The following RASSF3 variants were observed in gnomAD, a reference collection of about 807,000 sequenced individuals.
RASSF3 encodes the protein ras association domain-containing protein 3.
A neutral mutation model predicts 19.9 loss-of-function variants in RASSF3; 19 were observed. The observed-to-expected ratio is 0.96, with a 90% CI of 0.67 to 1.40. RASSF3 has a LOEUF of 1.40. RASSF3 is among the 40% of genes most tolerant of loss of function. The pLI is 0.00. For synonymous variants in RASSF3, 110 were observed against 104.2 expected, an observed-to-expected ratio of 1.06 and a Z score of -0.34; for missense variants, 306 against 289.8, an observed-to-expected ratio of 1.06 and a Z score of -0.41.
chr12:64,553,761 G>A (rs1869204854), intron 2 of RASSF3, among the ~76,000 whole-genome samples: 1 of 152,098 alleles, frequency 6.6e-6, no homozygotes, highest in Non-Finnish European at 1.5e-5. Flanking sequence ...TGAATCACTT[G>A]AGCCCAGGAG....
upstream of RASSF3, among the ~76,000 whole-genome samples, chr12:64,529,657 T>C (rs11175429): frequency 0.1 from 15,187 of 152,260 alleles, 838 homozygotes; most frequent in Middle Eastern, 0.22. Context: ...CAGCCATACC[T>C]GAATGTAGTC....
At chr12:64,589,314 G>A (rs1298903198) in intron 2 of RASSF3, among the ~76,000 whole-genome samples, 1 of 152,084 alleles carries the variant, frequency 6.6e-6, no homozygotes, top group African/African-American at 2.4e-5. Flanking sequence ...GCCGGGTGTG[G>A]TGGCACATGC....
chr12:64,599,265 C>T (rs575349103), intron 2 of RASSF3: 3 of 152,174 alleles, frequency 2.0e-5, no homozygotes, highest in South Asian at 4.1e-4. Flanking sequence ...TGGTCAATGC[C>T]TCATGGCAAA....
chr12:64,569,135 A>G (rs1240886935), intron 2 of RASSF3, among the ~76,000 whole-genome samples: 2 of 152,242 alleles, frequency 1.3e-5, no homozygotes, highest in Admixed American at 6.5e-5. Flanking sequence ...GGCTGGGCCA[A>G]GTGTAAACCC....
chr12:64,595,742 T>G (rs1365994568), intron 2 of RASSF3, among the ~76,000 whole-genome samples: 1 of 152,130 alleles, frequency 6.6e-6, no homozygotes, highest in Non-Finnish European at 1.5e-5. Flanking sequence ...CTATTAGGGC[T>G]CATAAAACAA....
upstream of RASSF3, among the ~76,000 whole-genome samples, chr12:64,607,603 G>T (rs1468352900): frequency 6.6e-6 from 1 of 152,102 alleles, no homozygotes; most frequent in Admixed American, 6.5e-5. Flanking sequence ...TTGAACTCCT[G>T]ACCTCAAGTG....
Position 64,695,011 on chromosome 12 carries a change from C to A in RASSF3, c.*99C>A. The A allele has an allele frequency of 7.7e-7, 1 of 1,305,782 alleles. No individual in the cohort carries two copies. The highest frequency in any genetic ancestry group is 1.1e-6 in the Non-Finnish European group (1 of 950,986). 80.9% of individuals were successfully genotyped at this position (1,305,782 alleles called of 1,614,324 possible). A position where few individuals can be genotyped will look rare whatever the true frequency, so the allele number is the denominator to read the frequency against. ...AGGGCTGCTGTCTTGCCCCACTATG[C>A]TAGGGTCTTCGCCTTTCTATCTGTA... is the stretch of plus-strand genomic sequence containing the variant. On this transcript the variant is annotated 3_prime_UTR_variant, in exon 5 of 5. Coordinates refer to ENST00000542104, the MANE Select transcript of RASSF3 (RefSeq NM_178169.4).
At chr12:64,601,554 G>A (rs1248370103) in intron 2 of RASSF3, among the ~76,000 whole-genome samples, 1 of 152,052 alleles carries the variant, frequency 6.6e-6, no homozygotes, top group Non-Finnish European at 1.5e-5. Flanking sequence ...AATATGACTG[G>A]GCTTGGCCTG....
intron 1 of RASSF3, among the ~76,000 whole-genome samples, chr12:64,657,378 A>G (rs893623058): frequency 1.9e-4 from 29 of 152,232 alleles, no homozygotes; most frequent in African/African-American, 6.5e-4. Context: ...AATATTGTGA[A>G]TGAACTCAGT....
At chr12:64,675,048 C>G (rs1391993581) in intron 1 of RASSF3, among the ~76,000 whole-genome samples, 15 of 112,842 alleles carry the variant, frequency 1.3e-4, no homozygotes, top group South Asian at 7.0e-4. Context: ...CCACCTAGCC[C>G]CCCCCCCCCC....
chr12:64,610,607 C>A lies in RASSF3; in HGVS notation c.-26C>A. The A allele has an allele frequency of 6.9e-7, 1 of 1,449,692 alleles. No individual in the cohort carries two copies. Among genetic ancestry groups the A allele is most frequent in the Middle Eastern group, 1.9e-4 (1 of 5,190 alleles). The allele number at this position is 1,449,692 out of a possible 1,614,324, so 89.8% of individuals were successfully genotyped here. A position where few individuals can be genotyped will look rare whatever the true frequency, so the allele number is the denominator to read the frequency against. On this transcript the variant is annotated 5_prime_UTR_variant, in exon 1 of 5. Coordinates refer to ENST00000542104, the MANE Select transcript of RASSF3 (RefSeq NM_178169.4). Reference sequence around the variant, plus strand: ...CTGGCCGCCTGCGCCCCGGGGAGGCCGCCCGCGCGCGACGGGACCGGCAGC... The same window carrying A: ...CTGGCCGCCTGCGCCCCGGGGAGGCAGCCCGCGCGCGACGGGACCGGCAGC...
At chr12:64,641,748 AT>A (rs60194376) in intron 1 of RASSF3, among the ~76,000 whole-genome samples, 11,431 of 139,144 alleles carry the variant, frequency 0.082, 449 homozygotes, top group Non-Finnish European at 0.096. Context: ...GTACCTAGTG[AT>A]TTTTTTTTTT....
At chr12:64,516,446 C>T (rs894982269) in intron 1 of RASSF3, among the ~76,000 whole-genome samples, 65 of 150,802 alleles carry the variant, frequency 4.3e-4, no homozygotes, top group African/African-American at 1.5e-3. Context: ...GGTGAAACCC[C>T]GTCTCTACTA....
chr12:64,635,993 C>T (rs1178777848), intron 1 of RASSF3, among the ~76,000 whole-genome samples: 1 of 152,158 alleles, frequency 6.6e-6, no homozygotes, highest in South Asian at 2.1e-4. Context: ...TATGAACATA[C>T]TGATTACATT....
intron 1 of RASSF3, among the ~76,000 whole-genome samples, chr12:64,629,229 G>A (rs1871091583): frequency 6.6e-6 from 1 of 151,704 alleles, no homozygotes. Flanking sequence ...AGCCTCCCGA[G>A]TAGCTAGGAC....
chr12:64,586,491 GAA>G (rs10708538), intron 2 of RASSF3, among the ~76,000 whole-genome samples: 836 of 70,122 alleles, frequency 0.012, no homozygotes, highest in Middle Eastern at 0.065. Flanking sequence ...CTCCTTCTCA[GAA>G]AAAAAAAAAA....
upstream of RASSF3, among the ~76,000 whole-genome samples, chr12:64,607,298 G>A (rs533478525): frequency 6.6e-6 from 1 of 151,184 alleles, no homozygotes; most frequent in South Asian, 2.1e-4. Flanking sequence ...AAAGCTACCA[G>A]AAAAATATGC....
intron 2 of RASSF3, among the ~76,000 whole-genome samples, chr12:64,552,933 G>A (rs1467167696): frequency 2.6e-5 from 4 of 151,998 alleles, no homozygotes; most frequent in South Asian, 2.1e-4. Flanking sequence ...ACTTGGGGCC[G>A]GGCTCGGTGG....
At chr12:64,658,610 T>G (rs1222957824) in intron 1 of RASSF3, among the ~76,000 whole-genome samples, 1 of 152,164 alleles carries the variant, frequency 6.6e-6, no homozygotes, top group Admixed American at 6.5e-5. Context: ...AAGACCAGCC[T>G]GGACAACATA....
Sources: allele counts gnomAD v4.1 joint callset (sites outside exome capture counted in the v4.1 genomes callset), GRCh38; gene constraint gnomAD v4.1.1; transcripts MANE v1.5; gene names NCBI Gene and HGNC (gene_info 2026-07-23, HGNC 2026-07-21).